Variants in ARHGAP25 observed in about 807,000 individuals in gnomAD.
ARHGAP25 encodes the protein rho GTPase-activating protein 25.
In ARHGAP25, 34 loss-of-function variants were observed where a neutral mutation model predicts 71.0. The observed-to-expected ratio is 0.48, with a 90% CI of 0.36 to 0.64. ARHGAP25 has a LOEUF of 0.64. Among genes scored for constraint, ARHGAP25 ranks in the 30% least tolerant of loss-of-function variants. The pLI, the probability that ARHGAP25 is intolerant of heterozygous loss-of-function variation, is 0.00. For missense variants in ARHGAP25, 706 were observed against 805.1 expected, an observed-to-expected ratio of 0.88 and a Z score of 1.49; for synonymous variants, 282 against 296.5, an observed-to-expected ratio of 0.95 and a Z score of 0.50.
In ARHGAP25 at chr2:68,746,800, C is replaced by T. The variant is rs144481999; in HGVS notation, c.61+11540C>T. Among the ~76,000 whole-genome samples the T allele has an allele frequency of 7.9e-3, 1,195 of 151,538 alleles. 6 individuals carry two copies. Among genetic ancestry groups the T allele is most frequent in the South Asian group, 0.016 (78 of 4,788 alleles). The stretch of plus-strand genomic sequence containing the variant: ...GGCAGGAGGATCACCTGAGGTTGGG[C>T]GTTCGAGACCAGACTGACCAACATG... On this transcript the variant is annotated intron_variant, in intron 1 of 10. Transcript: ENST00000409202.
upstream of ARHGAP25, among the ~76,000 whole-genome samples, chr2:68,734,488 G>T (rs369709163): frequency 1.1e-4 from 16 of 152,312 alleles, no homozygotes; most frequent in Middle Eastern, 3.4e-3. Context: ...ACAGCAGGAA[G>T]AATTTAAAAG....
intron 10 of ARHGAP25, among the ~76,000 whole-genome samples, chr2:68,823,412 G>T (rs1480431646): frequency 6.6e-6 from 1 of 152,188 alleles, no homozygotes; most frequent in Non-Finnish European, 1.5e-5. Context: ...GAAAGTTCAA[G>T]GAATGGGTTC....
chr2:68,792,491 T>C (rs1189691520), intron 4 of ARHGAP25, among the ~76,000 whole-genome samples: 2 of 152,220 alleles, frequency 1.3e-5, no homozygotes, highest in African/African-American at 4.8e-5. Flanking sequence ...CTCCCACTTA[T>C]AAGTCAGAAC....
intron 2 of ARHGAP25, among the ~76,000 whole-genome samples, chr2:68,726,583 G>A (rs1674889804): frequency 6.7e-6 from 1 of 149,852 alleles, no homozygotes; most frequent in South Asian, 2.1e-4. Flanking sequence ...TGGCCTTCAG[G>A]CCTCCAGATA....
rs866459830 is a variant in ARHGAP25 at position 68,822,114 on chromosome 2, A to C, written c.1201-226A>C. 2.6e-5 allele frequency among the ~76,000 whole-genome samples: 4 copies of C among 152,308 alleles called. No homozygotes were observed. The South Asian group carries it at 8.3e-4, about 32-fold the overall frequency. ...ACTTTAGGACTCTTTAACCACAAAC[A>C]AACACTTGATTTTGGTGAGACTTCA... On this transcript the variant is annotated intron_variant, in intron 9 of 10. Transcript: ENST00000409202.
chr2:68,748,362 G>A (rs1675960651), intron 1 of ARHGAP25, among the ~76,000 whole-genome samples: 1 of 152,142 alleles, frequency 6.6e-6, no homozygotes, highest in African/African-American at 2.4e-5. Context: ...ATTAGCCCCT[G>A]CAAATCCAAT....
intron 2 of ARHGAP25, among the ~76,000 whole-genome samples, chr2:68,712,118 T>C (rs1674498870): frequency 6.6e-6 from 1 of 152,238 alleles, no homozygotes; most frequent in Admixed American, 6.5e-5. Context: ...TGAACTAATT[T>C]ACACTCCCAC....
intron 2 of ARHGAP25, among the ~76,000 whole-genome samples, chr2:68,720,605 G>C (rs1482364800): frequency 6.6e-6 from 1 of 152,170 alleles, no homozygotes; most frequent in Non-Finnish European, 1.5e-5. Flanking sequence ...TTTTCTAATA[G>C]ACTTTCTCTA....
intron 5 of ARHGAP25, among the ~76,000 whole-genome samples, chr2:68,810,928 G>C (rs1297940954): frequency 6.6e-6 from 1 of 152,018 alleles, no homozygotes; most frequent in South Asian, 2.1e-4. Flanking sequence ...TTTTAGTAGA[G>C]ATGGGGTTTT....
intron 2 of ARHGAP25, among the ~76,000 whole-genome samples, chr2:68,781,675 C>G (rs1368552830): frequency 1.3e-5 from 2 of 152,184 alleles, no homozygotes; most frequent in Admixed American, 6.5e-5. Flanking sequence ...ATTATAGAAG[C>G]TTTCTGATCT....
intron 1 of ARHGAP25, among the ~76,000 whole-genome samples, chr2:68,747,627 C>G (rs1171720539): frequency 6.6e-6 from 1 of 152,186 alleles, no homozygotes; most frequent in Admixed American, 6.5e-5. Context: ...CCCCACATCT[C>G]CACCTGAATA....
At chr2:68,825,918 G>A (rs1682093359) in intron 10 of ARHGAP25, 69 bp from the exon 11 acceptor site, 9 of 1,374,642 alleles carry the variant, frequency 6.5e-6, no homozygotes, top group Non-Finnish European at 8.1e-6. Context: ...AGCAGGTTGT[G>A]AGCAAGGGGG....
At chr2:68,813,945 C>G (rs1042282970) in intron 6 of ARHGAP25, among the ~76,000 whole-genome samples, 2 of 152,206 alleles carry the variant, frequency 1.3e-5, no homozygotes, top group African/African-American at 4.8e-5. Flanking sequence ...AGTTCACTAA[C>G]AAGATTTTTG....
At chr2:68,720,329 A>AGAAAAG (rs981303976) in intron 2 of ARHGAP25, among the ~76,000 whole-genome samples, 1 of 149,398 alleles carries the variant, frequency 6.7e-6, no homozygotes, top group African/African-American at 2.5e-5. Flanking sequence ...AAAAAAAAAA[A>AGAAAAG]AAAAGAAAAG....
intron 2 of ARHGAP25, among the ~76,000 whole-genome samples, chr2:68,716,831 C>G (rs1674617566): frequency 6.6e-6 from 1 of 152,176 alleles, no homozygotes; most frequent in African/African-American, 2.4e-5. Context: ...TTTGCCACAG[C>G]TGGTCGTTCT....
At chr2:68,782,417 T>A in intron 3 of ARHGAP25, 97 bp downstream of exon 3, 1 of 1,098,630 alleles carries the variant, frequency 9.1e-7, no homozygotes, top group Non-Finnish European at 1.4e-6. Flanking sequence ...GGAGAGTAAT[T>A]CAACTAACTA....
At chr2:68,816,533 C>G in intron 7 of ARHGAP25, 171 bp downstream of exon 7, 1 of 631,942 alleles carries the variant, frequency 1.6e-6, no homozygotes. Context: ...TTCAAGGATT[C>G]TGAAAACCTG....
rs776150370 is a variant in ARHGAP25, at chr2:68,822,761, C to A, written c.1622C>A (p.Pro541His). Residue 541 changes from proline to histidine, a missense_variant, in exon 10 of 11, where the codon CCT becomes CAT. Physicochemically the swap from Pro to His is moderately conservative, Grantham distance 77 (BLOSUM62 -2). Coordinates refer to ENST00000409202, the MANE Select transcript of ARHGAP25 (RefSeq NM_001007231.3). ...GCCAGTCCAAACTCTGAAACTGGGC[C>A]TGGAAAAAAGAACTCTGGAGAAGAG... The part of the protein sequence containing the change: ...TLASPNSETG[P>H]GKKNSGEEEI... 1.2e-6 allele frequency: 2 copies of A among 1,614,142 alleles called. No homozygotes were observed. The highest frequency in any genetic ancestry group is 8.5e-7 in the Non-Finnish European group (1 of 1,180,010).
chr2:68,804,676 C>G (rs760610765), intron 4 of ARHGAP25, among the ~76,000 whole-genome samples: 57 of 152,218 alleles, frequency 3.7e-4, no homozygotes, highest in Non-Finnish European at 6.9e-4. Context: ...TCCATGGAAC[C>G]TGGTGCTGGC....
Sources: gnomAD v4.1 joint callset for allele counts (sites outside exome capture counted in the v4.1 genomes callset) on GRCh38, gnomAD v4.1.1 for gene constraint, MANE v1.5 for transcripts, NCBI Gene and HGNC (gene_info 2026-07-23, HGNC 2026-07-21) for gene names.